APOL3: variants seen among roughly 807,000 people sequenced by gnomAD.
The protein encoded by APOL3 is apolipoprotein L3.
Under a neutral mutation model 11.6 loss-of-function variants are expected in APOL3, and 14 were observed. The ratio of observed to expected loss-of-function variants is 1.21; its 90% CI spans 0.80 to 1.89. The LOEUF (loss-of-function observed/expected upper bound fraction) is 1.89. Among genes scored for constraint, APOL3 ranks in the 40% most tolerant of loss-of-function variants. The probability of loss-of-function intolerance (pLI) is 0.00; values close to 1 mark genes in which losing one functional copy is unlikely to be tolerated. For synonymous variants in APOL3, 192 were observed against 190.6 expected (o/e 1.01, Z -0.06); for missense variants, 483 against 492.1 (o/e 0.98, Z 0.17).
At chr22:36,164,375 A>G (rs1406129308), upstream of APOL3, among the ~76,000 whole-genome samples, 2 of 152,216 alleles carry the variant, frequency 1.3e-5, no homozygotes, top group Non-Finnish European at 1.5e-5. Context: ...ACTCCTTAAA[A>G]GTCTATACCA....
At chr22:36,141,731 C>T in exon 3 of APOL3, 1 of 1,614,062 alleles carries the variant, frequency 6.2e-7, no homozygotes, top group Non-Finnish European at 8.5e-7. Context: ...ACGCTGCTCC[C>T]AGCCCTACCC....
intron 1 of APOL3, chr22:36,159,314 C>A (rs1162418088): frequency 3.3e-5 from 5 of 152,212 alleles, no homozygotes; most frequent in Admixed American, 6.5e-5. Context: ...ATCCTAACCC[C>A]CTAAGGCAGG....
At chr22:36,157,640 A>G (rs1436774073) in intron 1 of APOL3, among the ~76,000 whole-genome samples, 1 of 152,248 alleles carries the variant, frequency 6.6e-6, no homozygotes, top group Admixed American at 6.5e-5. Flanking sequence ...AACATCATTC[A>G]AGAGCCAGAA....
intron 2 of APOL3, among the ~76,000 whole-genome samples, chr22:36,142,882 A>G (rs375088477): frequency 1.3e-5 from 2 of 152,328 alleles, no homozygotes; most frequent in East Asian, 1.9e-4. Flanking sequence ...CAGTTCAGCA[A>G]GAATCCCCCA....
At chr22:36,141,573 G>A (rs771361640) in exon 3 of APOL3, 1 of 1,614,218 alleles carries the variant, frequency 6.2e-7, no homozygotes, top group Non-Finnish European at 8.5e-7. Flanking sequence ...ATTAAGAAGG[G>A]AAAGTAAGTT....
chr22:36,154,378 A>G, intron 1 of APOL3: 1 of 327,856 alleles, frequency 3.1e-6, no homozygotes, highest in Non-Finnish European at 6.0e-6. Flanking sequence ...GGTTGATACT[A>G]ACATTCAAGT....
exon 3 of APOL3, chr22:36,141,076 CAA>C: frequency 6.9e-7 from 1 of 1,440,078 alleles, no homozygotes; most frequent in South Asian, 1.4e-5. Context: ...ACAGAAATGC[CAA>C]AGTCACTAAC....
At chr22:36,148,961 T>C (rs2060323648) in intron 1 of APOL3, 85 bp downstream of exon 2, 1 of 1,287,448 alleles carries the variant, frequency 7.8e-7, no homozygotes, top group Non-Finnish European at 1.1e-6. Flanking sequence ...CGGGTTCCTC[T>C]GGGGCTCACT....
At chr22:36,157,190 C>T (rs915658656) in intron 1 of APOL3, among the ~76,000 whole-genome samples, 3 of 152,266 alleles carry the variant, frequency 2.0e-5, no homozygotes, top group Middle Eastern at 3.4e-3. Context: ...GAATCATAGC[C>T]ATGGTTTCCA....
intron 1 of APOL3, among the ~76,000 whole-genome samples, chr22:36,148,359 G>C (rs2060295133): frequency 6.6e-6 from 1 of 152,258 alleles, no homozygotes; most frequent in Admixed American, 6.5e-5. Context: ...AAGGGGATGG[G>C]AACCAACTCT....
intron 1 of APOL3, among the ~76,000 whole-genome samples, chr22:36,150,149 C>T (rs1338617107): frequency 6.6e-6 from 1 of 152,086 alleles, no homozygotes; most frequent in African/African-American, 2.4e-5. Context: ...AAACACTCTT[C>T]ACATTCTGCT....
chr22:36,141,869 G>C lies in APOL3; in HGVS notation c.540C>G (p.Val180=), dbSNP rs137973235. Residue 180 remains valine, a synonymous_variant, in exon 3 of 3, where the codon GTC becomes GTG. Transcript: ENST00000349314. The stretch of plus-strand genomic sequence containing the variant: ...CATTGGAGATGGTGCAGCCTCTGTG[G>C]ACCTCTTCAATACCATTTGCAAGGG... The C allele has an allele frequency of 3.7e-6, 6 of 1,614,096 alleles. No individual in the cohort carries two copies. The African/African-American group carries it at 6.7e-5, about 18-fold the overall frequency.
chr22:36,152,450 C>T (rs988881518), intron 1 of APOL3, among the ~76,000 whole-genome samples: 13 of 152,022 alleles, frequency 8.6e-5, no homozygotes, highest in African/African-American at 2.9e-4. Flanking sequence ...TGTTACCAGT[C>T]AGTATAATTA....
chr22:36,153,025 C>T (rs577170095), intron 1 of APOL3, among the ~76,000 whole-genome samples: 7 of 152,082 alleles, frequency 4.6e-5, no homozygotes, highest in Admixed American at 2.6e-4. Flanking sequence ...GCAGGAGAAT[C>T]GCTTGAACCC....
At position 36,154,701 on chromosome 22, in the gene APOL3, A is replaced by C. The variant is rs982686823; in HGVS notation, c.223+5968T>G. 9 of 466,078 alleles carry C rather than the reference A, an allele frequency of 1.9e-5. No homozygotes were observed. In the Middle Eastern group the frequency reaches 9.7e-4, roughly 50 times the overall value. The allele number at this position is 466,078 out of a possible 1,614,324, so 28.9% of individuals were successfully genotyped here. On this transcript the variant is annotated intron_variant, in intron 1 of 2. Transcript: ENST00000349314. Reference sequence around the variant, plus strand: ...CTCTGAGATTGTGAGCAAATGAGACAGAGCAATTAGACTTCATAATACTGT... The same window carrying C: ...CTCTGAGATTGTGAGCAAATGAGACCGAGCAATTAGACTTCATAATACTGT...
rs757512505 is a variant in APOL3, at chr22:36,145,464, G to C, written c.350+9C>G. 1 of 1,613,842 alleles carries C rather than the reference G, an allele frequency of 6.2e-7. No individual in the cohort carries two copies. Among genetic ancestry groups the C allele is most frequent in the Non-Finnish European group, 8.5e-7 (1 of 1,179,844 alleles). ...GGGCGCCCCATGGAGGTAACCCCAC[G>C]GAGGTTACCTGGGCAATTCAGCCGC... On this transcript the variant is annotated intron_variant, in intron 2 of 2. Coordinates refer to ENST00000349314, the Ensembl canonical transcript of APOL3.
intron 2 of APOL3, 78 bp from the exon 4 acceptor site, chr22:36,142,136 A>G: frequency 6.9e-7 from 1 of 1,456,808 alleles, no homozygotes; most frequent in Non-Finnish European, 9.2e-7. Flanking sequence ...TCTGTTCTAC[A>G]TAAATCACAG....
At chr22:36,150,369 A>C (rs1040386237) in intron 1 of APOL3, among the ~76,000 whole-genome samples, 11 of 152,238 alleles carry the variant, frequency 7.2e-5, no homozygotes, top group African/African-American at 2.4e-4. Flanking sequence ...AATTGCTCTA[A>C]GATGTTATAA....
At chr22:36,145,625 T>C (rs746647366) in intron 1 of APOL3, 26 bp from the exon 3 acceptor site, 1 of 1,611,630 alleles carries the variant, frequency 6.2e-7, no homozygotes, top group East Asian at 2.2e-5. Context: ...AAGCATAAGA[T>C]TGGAAGAAAG....
Sources: gnomAD v4.1 joint callset for allele counts (sites outside exome capture counted in the v4.1 genomes callset) on GRCh38, gnomAD v4.1.1 for gene constraint, MANE v1.5 for transcripts, NCBI Gene and HGNC (gene_info 2026-07-23, HGNC 2026-07-21) for gene names.